Variants in SV2C observed in about 807,000 individuals in gnomAD.
The protein encoded by SV2C is solute carrier family 22 member B3.
SV2C carries 49 observed loss-of-function variants against 79.7 expected under a neutral mutation model. That is an observed-to-expected ratio of 0.61 (90% CI 0.49 to 0.78). The LOEUF (loss-of-function observed/expected upper bound fraction) is 0.78, where lower values mean the gene tolerates loss of function less well. SV2C is among the 30% of genes least tolerant of loss of function. The pLI is 0.00. For synonymous variants in SV2C, 334 were observed against 333.2 expected, an observed-to-expected ratio of 1.00 and a Z score of -0.03; for missense variants, 833 against 912.9, an observed-to-expected ratio of 0.91 and a Z score of 1.13.
At chr5:76,299,947 T>C (rs1423965076) in intron 10 of SV2C, among the ~76,000 whole-genome samples, 1 of 152,122 alleles carries the variant, frequency 6.6e-6, no homozygotes, top group African/African-American at 2.4e-5. Flanking sequence ...GGCTGACTCT[T>C]GTTCCTCAGT....
the SV2C span, among the ~76,000 whole-genome samples, chr5:75,990,201 T>C: frequency 1.1e-3 from 167 of 152,138 alleles, 5 homozygotes; most frequent in South Asian, 0.034. Flanking sequence ...TTTGGCATCT[T>C]CATCATGAAA....
At chr5:76,147,647 A>G (rs551698108) in intron 2 of SV2C, among the ~76,000 whole-genome samples, 1 of 152,324 alleles carries the variant, frequency 6.6e-6, no homozygotes, top group Admixed American at 6.5e-5. Flanking sequence ...TCAGAGGGGA[A>G]CAAGTATGCA....
At chr5:76,030,647 G>A in the SV2C span, among the ~76,000 whole-genome samples, 3 of 152,068 alleles carry the variant, frequency 2.0e-5, no homozygotes, top group Non-Finnish European at 2.9e-5. Context: ...GTTGGCAGCC[G>A]TATTCTGTCT....
chr5:76,114,270 C>T (rs1748189458), intron 1 of SV2C, among the ~76,000 whole-genome samples: 1 of 152,126 alleles, frequency 6.6e-6, no homozygotes, highest in Admixed American at 6.5e-5. Flanking sequence ...GGGAATAATG[C>T]CATGGGAGTG....
At chr5:75,940,134 T>A in the SV2C span, among the ~76,000 whole-genome samples, 1 of 152,164 alleles carries the variant, frequency 6.6e-6, no homozygotes. Flanking sequence ...TAGTATACAA[T>A]GGGCATTTTA....
chr5:76,032,638 A>G, the SV2C span, among the ~76,000 whole-genome samples: 3 of 152,164 alleles, frequency 2.0e-5, no homozygotes, highest in Non-Finnish European at 4.4e-5. Context: ...TTCTTAATCC[A>G]TTCTATCATT....
chr5:76,061,401 C>G, the SV2C span, among the ~76,000 whole-genome samples: 1 of 151,006 alleles, frequency 6.6e-6, no homozygotes, highest in African/African-American at 2.4e-5. Context: ...TATTTTGACT[C>G]ATGACAAACA....
the SV2C span, among the ~76,000 whole-genome samples, chr5:75,881,868 C>T: frequency 6.8e-6 from 1 of 146,990 alleles, no homozygotes; most frequent in Non-Finnish European, 1.5e-5. Flanking sequence ...GCATCCCTGT[C>T]TTGTGCCAGT....
the SV2C span, among the ~76,000 whole-genome samples, chr5:76,019,596 T>G: frequency 9.2e-5 from 14 of 152,184 alleles, no homozygotes; most frequent in Non-Finnish European, 2.1e-4. Context: ...TCTTGCTTCA[T>G]AGCTTCACCA....
chr5:76,345,318 G>C (rs1314363525), intron 12 of SV2C, among the ~76,000 whole-genome samples: 1 of 152,166 alleles, frequency 6.6e-6, no homozygotes, highest in East Asian at 1.9e-4. Flanking sequence ...TAATATTATT[G>C]ATCAGTCGCC....
chr5:76,234,501 A>G (rs34783783), intron 4 of SV2C, among the ~76,000 whole-genome samples: 65,939 of 151,882 alleles, frequency 0.43, 15,325 homozygotes, highest in African/African-American at 0.6. Flanking sequence ...CAAATGCTTT[A>G]TGTCTTTGGT....
chr5:76,212,109 T>A (rs1426714332), intron 4 of SV2C, among the ~76,000 whole-genome samples: 1 of 141,162 alleles, frequency 7.1e-6, no homozygotes, highest in African/African-American at 2.5e-5. Context: ...TTTTTTTTTT[T>A]AATTTGAGAT....
the SV2C span, among the ~76,000 whole-genome samples, chr5:75,871,263 C>T: frequency 6.6e-6 from 1 of 152,006 alleles, no homozygotes; most frequent in African/African-American, 2.4e-5. Flanking sequence ...AATCAAAACA[C>T]CCAAAGTGAA....
chr5:76,101,679 A>G (rs556244940), intron 1 of SV2C, among the ~76,000 whole-genome samples: 160 of 152,332 alleles, frequency 1.1e-3, no homozygotes, highest in African/African-American at 3.7e-3. Context: ...AAAATTCATT[A>G]TAAGAAACTC....
At chr5:75,960,781 A>G in the SV2C span, among the ~76,000 whole-genome samples, 1 of 151,984 alleles carries the variant, frequency 6.6e-6, no homozygotes, top group African/African-American at 2.4e-5. Context: ...TATTGATTGT[A>G]TTTATAAGTA....
the SV2C span, among the ~76,000 whole-genome samples, chr5:75,970,926 T>C: frequency 3.3e-5 from 5 of 152,048 alleles, no homozygotes; most frequent in African/African-American, 7.3e-5. Flanking sequence ...AAATCCTCAA[T>C]AAAATACTGG....
At chr5:76,334,107 G>A (rs1417854805), downstream of SV2C, among the ~76,000 whole-genome samples, 2 of 152,170 alleles carry the variant, frequency 1.3e-5, no homozygotes, top group African/African-American at 4.8e-5. Flanking sequence ...GGGTATTGAT[G>A]TGTTGTTGAT....
At chr5:75,857,101 G>A in the SV2C span, among the ~76,000 whole-genome samples, 1 of 151,966 alleles carries the variant, frequency 6.6e-6, no homozygotes, top group African/African-American at 2.4e-5. Context: ...GGGACTACAG[G>A]TGCCTGCCAC....
the SV2C span, among the ~76,000 whole-genome samples, chr5:75,958,992 A>C: frequency 6.6e-6 from 1 of 151,954 alleles, no homozygotes; most frequent in African/African-American, 2.4e-5. Context: ...ATGCCCCCTC[A>C]AATATTTTAA....
Sources: gnomAD v4.1 joint callset for allele counts (sites outside exome capture counted in the v4.1 genomes callset) on GRCh38, gnomAD v4.1.1 for gene constraint, MANE v1.5 for transcripts, NCBI Gene and HGNC (gene_info 2026-07-23, HGNC 2026-07-21) for gene names.